Variants in GLIS1 observed in about 807,000 individuals in gnomAD.
GLIS1 encodes zinc finger protein GLIS1.
GLIS1 carries 24 observed loss-of-function variants against 63.8 expected under a neutral mutation model. That is an observed-to-expected ratio of 0.38 (90% CI 0.27 to 0.53). The LOEUF (loss-of-function observed/expected upper bound fraction) is 0.53, where lower values mean the gene tolerates loss of function less well. Among genes scored for constraint, GLIS1 ranks in the 20% least tolerant of loss-of-function variants. GLIS1 has a pLI of 0.85. For synonymous variants in GLIS1, 450 were observed against 482.5 expected (o/e 0.93, Z 0.88); for missense variants, 1,036 against 1,074.1 (o/e 0.96, Z 0.50).
intron 2 of GLIS1, chr1:53,734,118 T>C: frequency 1.0e-6 from 1 of 985,218 alleles, no homozygotes; most frequent in Non-Finnish European, 1.2e-6. Flanking sequence ...ACAGCCATGA[T>C]GGCTGTTTTT....
intron 2 of GLIS1, among the ~76,000 whole-genome samples, chr1:53,719,276 C>T (rs1277317152): frequency 6.6e-6 from 1 of 152,204 alleles, no homozygotes; most frequent in Admixed American, 6.5e-5. Flanking sequence ...AGGGCTGTGC[C>T]CAGTTCTCTG....
At chr1:53,667,016 G>A (rs906281520) in intron 2 of GLIS1, among the ~76,000 whole-genome samples, 16 of 152,098 alleles carry the variant, frequency 1.1e-4, no homozygotes, top group Admixed American at 9.8e-4. Flanking sequence ...TCATTCATTC[G>A]TTACAAGGGA....
At chr1:53,736,698 CAA>C (rs1646915715) in intron 2 of GLIS1, among the ~76,000 whole-genome samples, 2 of 152,158 alleles carry the variant, frequency 1.3e-5, no homozygotes, top group South Asian at 4.1e-4. Flanking sequence ...TTCTCTCTTA[CAA>C]AGTCAAGTGT....
intron 2 of GLIS1, chr1:53,734,081 TACAAGACTG>T (rs1646890166): frequency 1.0e-6 from 1 of 984,932 alleles, no homozygotes; most frequent in Non-Finnish European, 1.2e-6. Flanking sequence ...TTTTTCAAGT[TACAAGACTG>T]ACTGCTTTTT....
chr1:53,709,405 T>TACAC (rs780900347), intron 2 of GLIS1, among the ~76,000 whole-genome samples: 18 of 117,182 alleles, frequency 1.5e-4, no homozygotes, highest in African/African-American at 8.2e-4. Flanking sequence ...CATATACATA[T>TACAC]ATATATACAC....
chr1:53,657,827 T>C (rs186686927), intron 2 of GLIS1, among the ~76,000 whole-genome samples: 2 of 152,334 alleles, frequency 1.3e-5, no homozygotes, highest in African/African-American at 4.8e-5. Flanking sequence ...TGGTGAAATG[T>C]TGGGTGATTG....
At chr1:53,662,594 T>C (rs1646041042) in intron 2 of GLIS1, among the ~76,000 whole-genome samples, 1 of 151,942 alleles carries the variant, frequency 6.6e-6, no homozygotes, top group Non-Finnish European at 1.5e-5. Context: ...AGCCTCCTGG[T>C]TTGGAGGCAG....
intron 2 of GLIS1, among the ~76,000 whole-genome samples, chr1:53,709,342 AT>A (rs1646615122): frequency 7.8e-6 from 1 of 128,032 alleles, no homozygotes; most frequent in Non-Finnish European, 1.6e-5. Flanking sequence ...ATATATATAC[AT>A]ATATACATAT....
chr1:53,661,940 TAGGACCAGTGC>T (rs1468401980), intron 2 of GLIS1, among the ~76,000 whole-genome samples: 2 of 152,078 alleles, frequency 1.3e-5, no homozygotes, highest in Non-Finnish European at 2.9e-5. Flanking sequence ...AAACAAGAGC[TAGGACCAGTGC>T]AGGGAGGGAT....
At chr1:53,578,320 A>AC (rs1430023088) in intron 4 of GLIS1, among the ~76,000 whole-genome samples, 1 of 152,236 alleles carries the variant, frequency 6.6e-6, no homozygotes, top group Non-Finnish European at 1.5e-5. Context: ...GGCTAACAGC[A>AC]CCACACAGAC....
chr1:53,596,011 C>T (rs370221738), intron 3 of GLIS1, among the ~76,000 whole-genome samples: 19 of 152,216 alleles, frequency 1.2e-4, no homozygotes, highest in Admixed American at 2.0e-4. Flanking sequence ...CACATCCAGC[C>T]GTGCAAACGT....
intron 2 of GLIS1, among the ~76,000 whole-genome samples, chr1:53,704,424 C>T (rs1646554991): frequency 6.6e-6 from 1 of 152,374 alleles, no homozygotes; most frequent in East Asian, 1.9e-4. Context: ...CAGGGCCATT[C>T]GCCTGCTTGT....
intron 2 of GLIS1, among the ~76,000 whole-genome samples, chr1:53,737,280 G>C (rs1213549000): frequency 6.6e-6 from 1 of 152,206 alleles, no homozygotes; most frequent in Non-Finnish European, 1.5e-5. Context: ...AAGTTAGGAC[G>C]TGACTAGGCT....
intron 4 of GLIS1, among the ~76,000 whole-genome samples, chr1:53,591,303 C>T (rs1231795715): frequency 6.6e-6 from 1 of 152,144 alleles, no homozygotes; most frequent in Non-Finnish European, 1.5e-5. Flanking sequence ...CCCACCCCAC[C>T]GCAGGCAAGA....
At chr1:53,558,925 G>A (rs76865681) in intron 4 of GLIS1, among the ~76,000 whole-genome samples, 2,689 of 152,324 alleles carry the variant, frequency 0.018, 50 homozygotes, top group Non-Finnish European at 0.028. Context: ...TGCCTCCTGT[G>A]ATCGTGGTGC....
intron 2 of GLIS1, among the ~76,000 whole-genome samples, chr1:53,723,731 T>C (rs922458508): frequency 1.3e-5 from 2 of 152,072 alleles, no homozygotes; most frequent in Admixed American, 1.3e-4. Context: ...GCTTCTACAG[T>C]AAGTATATAG....
At chr1:53,734,344 C>T (rs1309664055) in intron 2 of GLIS1, 10 of 290,192 alleles carry the variant, frequency 3.4e-5, no homozygotes, top group Non-Finnish European at 5.1e-5. Flanking sequence ...GTTACCAATT[C>T]CCAAAGATGT....
chr1:53,592,419 C>T (rs779014119), intron 4 of GLIS1, among the ~76,000 whole-genome samples: 5 of 152,146 alleles, frequency 3.3e-5, no homozygotes, highest in Non-Finnish European at 7.4e-5. Flanking sequence ...GCCTCCACCT[C>T]GGCCCCCACA....
rs1645016047 is a variant in GLIS1, at chr1:53,574,846, A to G, written c.1320+19262T>C. On this transcript the variant is annotated intron_variant, in intron 4 of 10. Transcript: ENST00000628545. The surrounding 1 kb of genome is among the most constrained non-coding windows in gnomAD (Gnocchi z 4.2). ...CTGAGTTTAGTCAAGGTTTGGCCACAGGCCCGTTGGAGGGAGGATGTCTTC... is the reference window on the plus strand; with the variant it reads ...CTGAGTTTAGTCAAGGTTTGGCCACGGGCCCGTTGGAGGGAGGATGTCTTC... Among the ~76,000 whole-genome samples the G allele has an allele frequency of 6.6e-6, 1 of 152,188 alleles. No homozygotes were observed. Among genetic ancestry groups the G allele is most frequent in the Non-Finnish European group, 1.5e-5 (1 of 68,032 alleles).
Sources: gnomAD v4.1 joint callset for allele counts (sites outside exome capture counted in the v4.1 genomes callset) on GRCh38, gnomAD v4.1.1 for gene constraint, Gnocchi (gnomAD v3.1) non-coding constraint, MANE v1.5 for transcripts, NCBI Gene and HGNC (gene_info 2026-07-23, HGNC 2026-07-21) for gene names.